AKNA: variants seen among roughly 807,000 people sequenced by gnomAD.
AKNA encodes microtubule organization protein AKNA.
A neutral mutation model predicts 138.8 loss-of-function variants in AKNA; 67 were observed. The ratio of observed to expected loss-of-function variants is 0.48; its 90% confidence interval spans 0.40 to 0.59. The LOEUF is 0.59. Ranked by LOEUF, AKNA falls within the 20% of genes least tolerant of loss-of-function variation. The pLI is 0.00. For missense variants in AKNA, 1,813 were observed against 1,880.4 expected, an observed-to-expected ratio of 0.96 and a Z score of 0.66; for synonymous variants, 737 against 754.4, an observed-to-expected ratio of 0.98 and a Z score of 0.38.
At chr9:114,385,958 T>C (rs997167545) in intron 1 of AKNA, among the ~76,000 whole-genome samples, 1 of 152,056 alleles carries the variant, frequency 6.6e-6, no homozygotes, top group Non-Finnish European at 1.5e-5. Flanking sequence ...CACTGTAAAA[T>C]AGAGAAAGTA....
At chr9:114,387,625 A>G (rs1481429647) in intron 1 of AKNA, among the ~76,000 whole-genome samples, 1 of 152,234 alleles carries the variant, frequency 6.6e-6, no homozygotes, top group Non-Finnish European at 1.5e-5. Flanking sequence ...ACAAGAGATC[A>G]GAATCAGAGC....
Position 114,337,208 on chromosome 9 carries a change from T to C in AKNA, c.4166A>G (p.Gln1389Arg). The C allele has an allele frequency of 6.3e-7, 1 of 1,592,106 alleles. No homozygotes were observed. The highest frequency in any genetic ancestry group is 8.6e-7 in the Non-Finnish European group (1 of 1,163,966). The change falls in exon 22 of 22, where the codon CAG (glutamine) becomes CGG (arginine). Residue 1389 changes from glutamine (Q) to arginine (R), a missense_variant. By Grantham distance (43) the Gln-to-Arg change is conservative. Coordinates refer to ENST00000374088, the MANE Select transcript of AKNA (RefSeq NM_001317950.2). ...CTCCTCTAGGTCGCCCAGGTCGAGC[T>C]GGATGGAGTGCCGGTGTCTCCGGGC... Reference protein sequence around the residue: ...PPARRHRHSIQLDLGDLEELN... With the variant: ...PPARRHRHSIRLDLGDLEELN...
chr9:114,397,169 C>T (rs1022866208), upstream of AKNA, among the ~76,000 whole-genome samples: 2 of 152,242 alleles, frequency 1.3e-5, no homozygotes, highest in African/African-American at 4.8e-5. Flanking sequence ...TGCAGAAGAA[C>T]TGTGAGACGA....
intron 14 of AKNA, among the ~76,000 whole-genome samples, chr9:114,352,989 T>C (rs182116519): frequency 6.6e-6 from 1 of 152,224 alleles, no homozygotes; most frequent in African/African-American, 2.4e-5. Flanking sequence ...ACAGTGGTTA[T>C]GTTTGGGAAG....
upstream of AKNA, among the ~76,000 whole-genome samples, chr9:114,398,237 C>A (rs113035082): frequency 6.6e-6 from 1 of 152,236 alleles, no homozygotes; most frequent in Non-Finnish European, 1.5e-5. This position sits in a 1 kb window ranked among gnomAD's most constrained non-coding sequence, Gnocchi z 4.2. Context: ...GGGCTCCCTC[C>A]CATTCCCGGA....
In AKNA at chr9:114,361,717, G is replaced by A; in HGVS notation, c.2111C>T (p.Thr704Ile). ...GCCAAGAGGTACCTCAGGGCAGGAGGTCTTGATGGCTGGCATGGGGGCTTG... is the reference window on the plus strand; with the variant it reads ...GCCAAGAGGTACCTCAGGGCAGGAGATCTTGATGGCTGGCATGGGGGCTTG... ...SGQAPMPAIK[T>I]SCPEPATTTA... Residue 704 changes from threonine (T) to isoleucine (I), a missense_variant, in exon 9 of 22, where the codon ACC (threonine) becomes ATC (isoleucine). Transcript: ENST00000374088. 4 of 1,613,222 alleles carry A rather than the reference G, an allele frequency of 2.5e-6. No homozygotes were observed. The highest frequency in any genetic ancestry group is 3.4e-6 in the Non-Finnish European group (4 of 1,180,036).
At chr9:114,337,386 C>T (rs1830068547) in intron 21 of AKNA, 80 bp from the exon 22 acceptor site, 9 of 1,334,806 alleles carry the variant, frequency 6.7e-6, no homozygotes, top group Non-Finnish European at 8.7e-6. Flanking sequence ...TGGGGTCAAC[C>T]CCCTTCTAAA....
upstream of AKNA, among the ~76,000 whole-genome samples, chr9:114,396,143 A>G (rs77463209): frequency 8.0e-3 from 1,212 of 152,292 alleles, 15 homozygotes; most frequent in African/African-American, 0.025. Flanking sequence ...ACTAGGGAAT[A>G]ACAATGGTGA....
intron 4 of AKNA, among the ~76,000 whole-genome samples, chr9:114,371,182 C>T (rs1832746454): frequency 6.6e-6 from 1 of 152,222 alleles, no homozygotes; most frequent in Non-Finnish European, 1.5e-5. Context: ...GCTCCAGACC[C>T]ATCGGTGTTC....
At position 114,361,751 on chromosome 9, in the gene AKNA, G is replaced by A. The variant is rs1466569867; in HGVS notation, c.2077C>T (p.Pro693Ser). The A allele has an allele frequency of 2.5e-6, 4 of 1,613,592 alleles. No individual in the cohort carries two copies. Among genetic ancestry groups the A allele is most frequent in the East Asian group, 2.2e-5 (1 of 44,902 alleles). The change falls in exon 9 of 22, where the codon CCT (proline) becomes TCT (serine). Residue 693 changes from proline (P) to serine (S), a missense_variant. By Grantham distance (74) the Pro-to-Ser change is moderately conservative (BLOSUM62 -1). Transcript: ENST00000374088. Reference protein sequence around the residue: ...CLHQPTHLPAPSGQAPMPAIK... With the variant: ...CLHQPTHLPASSGQAPMPAIK... ...GCTGGCATGGGGGCTTGTCCAGAAG[G>A]AGCAGGCAGGTGCGTTGGCTGATGG... is the stretch of plus-strand genomic sequence containing the variant.
Position 114,335,272 on chromosome 9 carries a change from ATG to A in AKNA, c.*1780_*1781del, listed in dbSNP as rs1829943516. On this transcript the variant is annotated 3_prime_UTR_variant, in exon 22 of 22. Coordinates refer to ENST00000374088, the MANE Select transcript of AKNA (RefSeq NM_001317950.2). Reference sequence around the variant, plus strand: ...AGAATGTGGACTTTGGGTCAGACCAATGTGAGTTTAAATCCAGGTTCTCTCCC... The same window carrying A: ...AGAATGTGGACTTTGGGTCAGACCAATGAGTTTAAATCCAGGTTCTCTCCC... The A allele has an allele frequency of 6.6e-6, 1 of 152,246 alleles. No homozygotes were observed. The highest frequency in any genetic ancestry group is 1.5e-5 in the Non-Finnish European group (1 of 68,052). 9.4% of individuals were successfully genotyped at this position (152,246 alleles called of 1,614,324 possible).
At position 114,377,474 on chromosome 9, in the gene AKNA, G is replaced by T. The variant is rs73656092; in HGVS notation, c.333C>A (p.Leu111=). Residue 111 remains leucine (L), a synonymous_variant, in exon 3 of 22, where the codon CTC becomes CTA. Transcript: ENST00000374088. ...PASSHEPLAW[L]PQQGRQLDMT... is the part of the protein sequence containing the mutation. The stretch of plus-strand genomic sequence containing the variant: ...TGTCCAGCTGACGGCCCTGCTGGGG[G>T]AGCCAGGCAAGAGGCTCATGGGAAC... 36 of 1,613,102 alleles carry T rather than the reference G, an allele frequency of 2.2e-5. 1 individual carries two copies. In the South Asian group the frequency reaches 3.6e-4, roughly 16 times the overall value.
upstream of AKNA, among the ~76,000 whole-genome samples, chr9:114,396,098 C>T (rs959592204): frequency 2.6e-5 from 4 of 152,152 alleles, no homozygotes; most frequent in South Asian, 2.1e-4. Context: ...ATGTTTTGAG[C>T]ACCTACTCTG....
chr9:114,344,244 G>C (rs1830537042), intron 18 of AKNA: 1 of 180,082 alleles, frequency 5.6e-6, no homozygotes, highest in Admixed American at 5.4e-5. Context: ...TCGGGCACAG[G>C]GTCAGTGGTG....
intron 9 of AKNA, 57 bp from the exon 10 acceptor site, chr9:114,360,119 A>G: frequency 1.2e-6 from 2 of 1,610,102 alleles, no homozygotes; most frequent in Non-Finnish European, 1.7e-6. Context: ...CACCACTTTT[A>G]AGCACTTACC....
At position 114,337,158 on chromosome 9, in the gene AKNA, C is replaced by G; in HGVS notation, c.4216G>C (p.Val1406Leu). ...GAGCGGACGCTCTCGGCAGCCTGCA[C>G]GGCCCGGCTCAGGGCCTTGTTGAGC... ...EELNKALSRA[V>L]QAAESVRSTT... Residue 1406 changes from valine to leucine, a missense_variant, in exon 22 of 22, where the codon GTG becomes CTG. By Grantham distance (32) the Val-to-Leu change is conservative. Transcript: ENST00000374088. The G allele has an allele frequency of 4.3e-6, 7 of 1,610,634 alleles. No individual in the cohort carries two copies. Among genetic ancestry groups the G allele is most frequent in the Non-Finnish European group, 5.9e-6 (7 of 1,178,068 alleles).
chr9:114,334,796 G>C lies in AKNA; in HGVS notation c.*2258C>G, dbSNP rs1829932543. 1 of 146,850 alleles carries C rather than the reference G, an allele frequency of 6.8e-6. No individual in the cohort carries two copies. The highest frequency in any genetic ancestry group is 2.1e-4 in the South Asian group (1 of 4,828). 9.1% of individuals were successfully genotyped at this position (146,850 alleles called of 1,614,324 possible). On this transcript the variant is annotated 3_prime_UTR_variant, in exon 22 of 22. Transcript: ENST00000374088. ...TGAGCCCGAGGCCCTGATGTCCTGG[G>C]GTCTAGTCCTGTGTCCACAGGCACC...
intron 11 of AKNA, chr9:114,359,260 G>C: frequency 2.9e-6 from 1 of 342,618 alleles, no homozygotes; most frequent in Non-Finnish European, 5.4e-6. Context: ...GTTGAGATGG[G>C]GCTTTGCCGT....
downstream of AKNA, chr9:114,330,984 G>C: frequency 1.3e-6 from 1 of 760,578 alleles, no homozygotes; most frequent in East Asian, 2.5e-5. Flanking sequence ...TAACATTTTT[G>C]AGCTCTTACC....
Sources: allele counts gnomAD v4.1 joint callset (sites outside exome capture counted in the v4.1 genomes callset), GRCh38; gene constraint gnomAD v4.1.1; non-coding constraint Gnocchi (gnomAD v3.1); transcripts MANE v1.5; gene names NCBI Gene and HGNC (gene_info 2026-07-23, HGNC 2026-07-21).